The following FLVCR2 variants were observed in gnomAD, a reference collection of about 807,000 sequenced individuals.
FLVCR2 encodes the protein choline/ethanolamine transporter FLVCR2.
A neutral mutation model predicts 48.9 loss-of-function variants in FLVCR2; 38 were observed. The ratio of observed to expected loss-of-function variants is 0.78; its 90% CI spans 0.60 to 1.02. The LOEUF is 1.02. Ranked by LOEUF, FLVCR2 falls within the 50% of genes least tolerant of loss-of-function variation. FLVCR2 has a pLI of 0.00. For missense variants in FLVCR2, 664 were observed against 663.3 expected, an observed-to-expected ratio of 1.00 and a Z score of -0.01; for synonymous variants, 255 against 257.0, an observed-to-expected ratio of 0.99 and a Z score of 0.07.
At chr14:75,626,152 C>T (rs1249267228) in intron 3 of FLVCR2, among the ~76,000 whole-genome samples, 3 of 152,090 alleles carry the variant, frequency 2.0e-5, no homozygotes, top group Non-Finnish European at 4.4e-5. Flanking sequence ...CCACCATGCC[C>T]GGCTAATTTT....
rs755093075 is a variant in FLVCR2, at chr14:75,624,658, G to C, written c.858G>C (p.Leu286=). ...ATCCCCCCAGCAGGGCCCAATCCCT[G>C]AGCTATGCCTTGACCTCTCCTGATG... ...PKYPPSRAQS[L]SYALTSPDAS... The change falls in exon 3 of 10, where the codon CTG becomes CTC. Residue 286 remains leucine (L), a synonymous_variant. Coordinates refer to ENST00000238667, the MANE Select transcript of FLVCR2 (RefSeq NM_017791.3). The C allele has an allele frequency of 6.2e-7, 1 of 1,614,036 alleles. No homozygotes were observed. Among genetic ancestry groups the C allele is most frequent in the Non-Finnish European group, 8.5e-7 (1 of 1,180,008 alleles).
intron 1 of FLVCR2, among the ~76,000 whole-genome samples, chr14:75,599,920 T>C (rs1048498409): frequency 1.3e-5 from 2 of 152,078 alleles, no homozygotes; most frequent in East Asian, 1.9e-4. Context: ...ATTAGACCCT[T>C]GTGTTGTCAG....
intron 1 of FLVCR2, among the ~76,000 whole-genome samples, chr14:75,580,742 G>C (rs1173788008): frequency 6.6e-6 from 1 of 152,164 alleles, no homozygotes; most frequent in Non-Finnish European, 1.5e-5. Context: ...TCTTAAGGGT[G>C]GGGGAAATTA....
At chr14:75,616,266 G>T (rs188670876) in intron 1 of FLVCR2, among the ~76,000 whole-genome samples, 2,247 of 151,672 alleles carry the variant, frequency 0.015, 74 homozygotes, top group African/African-American at 0.051. Flanking sequence ...GGCGGAGGTT[G>T]CAGTGAGCCA....
intron 1 of FLVCR2, among the ~76,000 whole-genome samples, chr14:75,592,606 T>G (rs1888913255): frequency 6.6e-6 from 1 of 152,234 alleles, no homozygotes; most frequent in Non-Finnish European, 1.5e-5. Flanking sequence ...GCTCTGCTTC[T>G]TACACATTTC....
At chr14:75,640,919 T>C in intron 6 of FLVCR2, 36 bp from the exon 7 acceptor site, 1 of 1,464,162 alleles carries the variant, frequency 6.8e-7, no homozygotes, top group African/African-American at 1.4e-5. Context: ...GTTCTGGAAG[T>C]TCTTCATCCC....
chr14:75,588,707 G>T (rs561281407), intron 1 of FLVCR2, among the ~76,000 whole-genome samples: 1 of 152,150 alleles, frequency 6.6e-6, no homozygotes, highest in Non-Finnish European at 1.5e-5. Context: ...TTGAACTCCT[G>T]ACCTCAAGTG....
chr14:75,581,377 T>C (rs1191946350), intron 1 of FLVCR2, among the ~76,000 whole-genome samples: 1 of 152,228 alleles, frequency 6.6e-6, no homozygotes, highest in Non-Finnish European at 1.5e-5. Context: ...GACAGAGTCC[T>C]CTTTTTTAAG....
Position 75,646,462 on chromosome 14 carries a change from A to G in FLVCR2, c.1571A>G (p.Asp524Gly). ...AAAGTGCCCACTGCTGTGTCAGAGG[A>G]TCATCTCTGAGAGGAAGGTGGTGAC... ...TSKVPTAVSE[D>G]HL Residue 524 changes from aspartate to glycine, a missense_variant, in exon 10 of 10, where the codon GAT becomes GGT. Transcript: ENST00000238667. The G allele has an allele frequency of 1.9e-6, 3 of 1,611,202 alleles. No homozygotes were observed. Among genetic ancestry groups the G allele is most frequent in the South Asian group, 2.2e-5 (2 of 91,026 alleles).
intron 8 of FLVCR2, among the ~76,000 whole-genome samples, chr14:75,641,518 T>C (rs1890308808): frequency 6.6e-6 from 1 of 152,214 alleles, no homozygotes; most frequent in Admixed American, 6.5e-5. Context: ...TCCATAGCTA[T>C]TGACCTTGGA....
chr14:75,622,923 A>G (rs1466166313), intron 2 of FLVCR2, among the ~76,000 whole-genome samples: 1 of 152,210 alleles, frequency 6.6e-6, no homozygotes, highest in Non-Finnish European at 1.5e-5. Context: ...GTCATTGTAC[A>G]AGTTAATCCC....
chr14:75,594,280 A>T (rs1888963280), intron 1 of FLVCR2, among the ~76,000 whole-genome samples: 1 of 152,154 alleles, frequency 6.6e-6, no homozygotes, highest in Admixed American at 6.5e-5. Context: ...GGCTCTTCTT[A>T]AAGTTCTTTT....
chr14:75,640,078 T>C lies in FLVCR2; in HGVS notation c.1235+616T>C, dbSNP rs553709938. ...TTCAAGACCAGCCTGGCCAATATGG[T>C]GATACCGCGTCTCTACTAAAAAATA... On this transcript the variant is annotated intron_variant, in intron 6 of 9. Coordinates refer to ENST00000238667, the MANE Select transcript of FLVCR2 (RefSeq NM_017791.3). Among the ~76,000 whole-genome samples the C allele has an allele frequency of 2.1e-4, 32 of 152,068 alleles. No individual in the cohort carries two copies. The South Asian group carries it at 6.0e-3, about 29-fold the overall frequency.
At chr14:75,635,186 ACCCGTCTTAAGAT>A (rs1157761271) in intron 5 of FLVCR2, among the ~76,000 whole-genome samples, 173 bp downstream of exon 5, 2 of 152,022 alleles carry the variant, frequency 1.3e-5, no homozygotes, top group African/African-American at 2.4e-5. Context: ...GGGAAGCTAT[ACCCGTCTTAAGAT>A]CCCCACAGGA....
At chr14:75,645,229 C>A (rs1890395430) in intron 9 of FLVCR2, among the ~76,000 whole-genome samples, 1 of 152,166 alleles carries the variant, frequency 6.6e-6, no homozygotes, top group South Asian at 2.1e-4. Flanking sequence ...CACAAACAGG[C>A]ACTGAGACAC....
At chr14:75,596,033 A>C (rs1889010466) in intron 1 of FLVCR2, 1 of 1,346,912 alleles carries the variant, frequency 7.4e-7, no homozygotes, top group African/African-American at 1.4e-5. Flanking sequence ...TTTTGAATGC[A>C]AATACAAAGA....
At chr14:75,598,000 AT>A (rs1046693005) in intron 1 of FLVCR2, among the ~76,000 whole-genome samples, 64 of 147,600 alleles carry the variant, frequency 4.3e-4, no homozygotes, top group South Asian at 1.7e-3. Flanking sequence ...GTCAGGGCTG[AT>A]TTTTTTTTTT....
intron 1 of FLVCR2, among the ~76,000 whole-genome samples, chr14:75,607,433 A>T (rs1212237166): frequency 1.3e-5 from 2 of 152,172 alleles, no homozygotes; most frequent in Non-Finnish European, 2.9e-5. Flanking sequence ...GTGGTTCTGG[A>T]TCATCCTGAG....
intron 3 of FLVCR2, among the ~76,000 whole-genome samples, chr14:75,626,621 G>C (rs1309464497): frequency 6.6e-6 from 1 of 151,860 alleles, no homozygotes; most frequent in East Asian, 1.9e-4. Context: ...AATGCTTAGA[G>C]AAGTCCAACT....
Sources: gnomAD v4.1 joint callset for allele counts (sites outside exome capture counted in the v4.1 genomes callset) on GRCh38, gnomAD v4.1.1 for gene constraint, MANE v1.5 for transcripts, NCBI Gene and HGNC (gene_info 2026-07-23, HGNC 2026-07-21) for gene names.